The following DHTKD1 variants were observed in gnomAD, a reference collection of about 807,000 sequenced individuals.
DHTKD1 encodes 2-oxoadipate dehydrogenase complex component E1.
A neutral mutation model predicts 101.8 loss-of-function variants in DHTKD1; 78 were observed. That is an observed-to-expected ratio of 0.77 (90% CI 0.64 to 0.93). DHTKD1 has a LOEUF of 0.93. DHTKD1 is among the 40% of genes least tolerant of loss of function. The pLI, the probability that DHTKD1 is intolerant of heterozygous loss-of-function variation, is 0.00. For synonymous variants in DHTKD1, 462 were observed against 450.3 expected (o/e 1.03, Z -0.33); for missense variants, 1,223 against 1,161.7 (o/e 1.05, Z -0.77).
chr10:12,078,477 C>T (rs962842271), intron 1 of DHTKD1, among the ~76,000 whole-genome samples: 21 of 151,806 alleles, frequency 1.4e-4, no homozygotes, highest in African/African-American at 4.8e-4. Context: ...CCGGGCATGG[C>T]GGCACGCACC....
chr10:12,119,581 A>T (rs1354193469), intron 15 of DHTKD1, among the ~76,000 whole-genome samples: 1 of 143,808 alleles, frequency 7.0e-6, no homozygotes, highest in African/African-American at 2.7e-5. Context: ...GCGCTACTGC[A>T]CTCCAGCCTG....
rs533853449 is a variant in DHTKD1, at chr10:12,092,983, TCCTC to T, written c.1160-1084_1160-1081del. 5.6e-4 allele frequency among the ~76,000 whole-genome samples: 84 copies of T among 151,164 alleles called. 1 individual carries two copies. In the South Asian group the frequency reaches 0.013, roughly 23 times the overall value. The stretch of plus-strand genomic sequence containing the variant: ...GCCTTGACATCCCTGGCTCAAGAGA[TCCTC>T]CCTCCTCAGCCTCCTTAGTAGCTGC... On this transcript the variant is annotated intron_variant, in intron 6 of 16. Transcript: ENST00000263035.
Position 12,107,874 on chromosome 10 carries a change from G to A in DHTKD1, c.2048-35G>A, listed in dbSNP as rs376938350. ...TGTCAGGCCACTTTGTCCCCGCTTC[G>A]TAGAGCTCTTACTCCCCACGTGGTA... On this transcript the variant is annotated intron_variant, in intron 11 of 16. Coordinates refer to ENST00000263035, the MANE Select transcript of DHTKD1 (RefSeq NM_018706.7). This position sits in a 1 kb window ranked among gnomAD's most constrained non-coding sequence, Gnocchi z 4.1. 48 of 1,448,820 alleles carry A rather than the reference G, an allele frequency of 3.3e-5. 1 individual carries two copies. Among genetic ancestry groups the A allele is most frequent in the Admixed American group, 3.1e-4 (18 of 57,936 alleles). The allele number at this position is 1,448,820 out of a possible 1,614,324, so 89.7% of individuals were successfully genotyped here.
chr10:12,098,633 C>T lies in DHTKD1; in HGVS notation c.1671+637C>T, dbSNP rs569874025. Among the ~76,000 whole-genome samples, 88 of 152,242 alleles carry T rather than the reference C, an allele frequency of 5.8e-4. No homozygotes were observed. In the Middle Eastern group the frequency reaches 0.027, roughly 47 times the overall value. On this transcript the variant is annotated intron_variant, in intron 8 of 16. Transcript: ENST00000263035. ...AGGCTGGTGTGCAGTGGCGTGATCT[C>T]GGCTCACTGCAACCTCCACCTCCCA...
Position 12,122,085 on chromosome 10 carries a change from A to G in DHTKD1, c.*1197A>G. The G allele has an allele frequency of 6.6e-6, 1 of 152,210 alleles. No individual in the cohort carries two copies. The highest frequency in any genetic ancestry group is 1.9e-4 in the East Asian group (1 of 5,206). 9.4% of individuals were successfully genotyped at this position (152,210 alleles called of 1,614,324 possible). ...CTAGCAAATCTAGGTCCTACTAAATACAAATCTCTGGGTGGATGATCTTCT... is the reference window on the plus strand; with the variant it reads ...CTAGCAAATCTAGGTCCTACTAAATGCAAATCTCTGGGTGGATGATCTTCT... On this transcript the variant is annotated 3_prime_UTR_variant, in exon 17 of 17. Coordinates refer to ENST00000263035, the MANE Select transcript of DHTKD1 (RefSeq NM_018706.7).
intron 1 of DHTKD1, among the ~76,000 whole-genome samples, chr10:12,069,880 A>T (rs1286193772): frequency 2.0e-5 from 3 of 151,684 alleles, no homozygotes; most frequent in Admixed American, 2.0e-4. Context: ...TGGGAGAAGT[A>T]AAGTTTTAAG....
At chr10:12,117,107 A>G (rs1351138501) in intron 13 of DHTKD1, among the ~76,000 whole-genome samples, 3 of 151,592 alleles carry the variant, frequency 2.0e-5, no homozygotes, top group African/African-American at 4.9e-5. Flanking sequence ...GGTTCAAGCA[A>G]TTCTCCCGCC....
chr10:12,120,755 G>A, intron 16 of DHTKD1, 32 bp from the exon 17 acceptor site: 3 of 1,581,640 alleles, frequency 1.9e-6, no homozygotes, highest in African/African-American at 2.7e-5. Context: ...TAGTCAAAAT[G>A]TCATTTTATT....
At position 12,121,026 on chromosome 10, in the gene DHTKD1, C is replaced by T. The variant is rs1376043919; in HGVS notation, c.*138C>T. ...CCTGAGGTCAGGAGTTCGAGACCAGCCTGGCCAACACGGTGAAACCCCGCC... is the reference window on the plus strand; with the variant it reads ...CCTGAGGTCAGGAGTTCGAGACCAGTCTGGCCAACACGGTGAAACCCCGCC... On this transcript the variant is annotated 3_prime_UTR_variant, in exon 17 of 17. Coordinates refer to ENST00000263035, the MANE Select transcript of DHTKD1 (RefSeq NM_018706.7). The T allele has an allele frequency of 1.5e-6, 1 of 648,962 alleles. No homozygotes were observed. The highest frequency in any genetic ancestry group is 2.6e-6 in the Non-Finnish European group (1 of 378,870). 40.2% of individuals were successfully genotyped at this position (648,962 alleles called of 1,614,324 possible). A position where few individuals can be genotyped will look rare whatever the true frequency, so the allele number is the denominator to read the frequency against.
chr10:12,078,094 G>C (rs1232121623), intron 1 of DHTKD1, among the ~76,000 whole-genome samples: 1 of 152,048 alleles, frequency 6.6e-6, no homozygotes, highest in Non-Finnish European at 1.5e-5. Flanking sequence ...CAGTATTCTA[G>C]TGTATCATTA....
At chr10:12,108,095 G>A (rs1056067321) in intron 12 of DHTKD1, 80 bp downstream of exon 12, 21 of 1,015,930 alleles carry the variant, frequency 2.1e-5, no homozygotes, top group East Asian at 9.8e-5. Flanking sequence ...ATAGCTTAAC[G>A]CCCACCTAAC....
intron 3 of DHTKD1, among the ~76,000 whole-genome samples, chr10:12,086,737 T>C (rs556481610): frequency 7.9e-5 from 12 of 151,742 alleles, no homozygotes; most frequent in Admixed American, 7.9e-4. Flanking sequence ...GTCACCCAGG[T>C]TGGAGTGCAG....
intron 16 of DHTKD1, 31 bp downstream of exon 16, chr10:12,120,298 G>C (rs747520622): frequency 6.5e-7 from 1 of 1,534,474 alleles, no homozygotes; most frequent in Non-Finnish European, 9.0e-7. Context: ...GTAGTGTTTT[G>C]TGTTTTGTGT....
intron 10 of DHTKD1, among the ~76,000 whole-genome samples, chr10:12,102,422 CAAAAAAAAAA>C (rs752816882): frequency 3.1e-5 from 2 of 64,838 alleles, no homozygotes; most frequent in African/African-American, 6.1e-5. Flanking sequence ...GACTCTGTCT[CAAAAAAAAAA>C]AAAAAAAAAG....
chr10:12,094,328 ATTC>A (rs749921721), intron 7 of DHTKD1, 57 bp downstream of exon 7: 2 of 1,487,774 alleles, frequency 1.3e-6, no homozygotes, highest in African/African-American at 2.8e-5. Flanking sequence ...TACTATTATT[ATTC>A]TTTTGAGATG....
intron 6 of DHTKD1, among the ~76,000 whole-genome samples, chr10:12,091,985 T>A (rs1832997891): frequency 6.6e-6 from 1 of 151,082 alleles, no homozygotes; most frequent in African/African-American, 2.4e-5. Flanking sequence ...TTTTTTTTTT[T>A]TTTTTTAGAT....
intron 7 of DHTKD1, among the ~76,000 whole-genome samples, chr10:12,095,762 C>A (rs7081739): frequency 2.8e-4 from 38 of 137,786 alleles, no homozygotes; most frequent in African/African-American, 9.4e-4. Context: ...GCAGTGAGCC[C>A]AGATCGCACC....
At position 12,094,163 on chromosome 10, in the gene DHTKD1, G is replaced by GC; in HGVS notation, c.1252dup (p.Gln418ProfsTer9). On this transcript the variant is annotated frameshift_variant, in exon 7 of 17. Transcript: ENST00000263035. LOFTEE classifies it high-confidence loss of function. ...ACACGACTGGCTTTTGAATACCAAC[G>GC]CCAGTTCCGCAAGGATGTGATTATT... 1 of 1,614,086 alleles carries GC rather than the reference G, an allele frequency of 6.2e-7. No homozygotes were observed. Among genetic ancestry groups the GC allele is most frequent in the South Asian group, 1.1e-5 (1 of 91,080 alleles).
chr10:12,084,854 C>T, intron 3 of DHTKD1, 103 bp downstream of exon 3: 2 of 926,856 alleles, frequency 2.2e-6, no homozygotes, highest in Non-Finnish European at 3.3e-6. Context: ...AGTTCAAGAC[C>T]AGCCTGACCA....
Sources: gnomAD v4.1 joint callset for allele counts (sites outside exome capture counted in the v4.1 genomes callset) on GRCh38, gnomAD v4.1.1 for gene constraint, Gnocchi (gnomAD v3.1) non-coding constraint, MANE v1.5 for transcripts, NCBI Gene and HGNC (gene_info 2026-07-23, HGNC 2026-07-21) for gene names.